Variants in DSCAML1 observed in about 807,000 individuals in gnomAD.
DSCAML1 encodes the protein DS cell adhesion molecule like 1.
DSCAML1 carries 38 observed loss-of-function variants against 200.5 expected under a neutral mutation model. The ratio of observed to expected loss-of-function variants is 0.19; its 90% CI spans 0.15 to 0.25. DSCAML1 has a LOEUF of 0.25. Ranked by LOEUF, DSCAML1 falls within the 10% of genes least tolerant of loss-of-function variation. DSCAML1 has a pLI of 1.00. For missense variants in DSCAML1, 2,223 were observed against 2,858.8 expected (o/e 0.78, Z 5.07); for synonymous variants, 1,215 against 1,165.0 (o/e 1.04, Z -0.87).
At chr11:117,759,857 A>T (rs1202486629) in intron 3 of DSCAML1, among the ~76,000 whole-genome samples, 1 of 152,214 alleles carries the variant, frequency 6.6e-6, no homozygotes, top group Non-Finnish European at 1.5e-5. Context: ...ATCCCGAGGC[A>T]GACACATTTC....
chr11:117,707,536 T>C (rs2053777119), intron 3 of DSCAML1, among the ~76,000 whole-genome samples: 1 of 139,840 alleles, frequency 7.2e-6, no homozygotes, highest in Non-Finnish European at 1.5e-5. Context: ...CTTTTTATTC[T>C]TTTTTTTTTA....
At chr11:117,493,088 G>C (rs1040469787) in intron 11 of DSCAML1, among the ~76,000 whole-genome samples, 11 of 152,178 alleles carry the variant, frequency 7.2e-5, no homozygotes, top group Admixed American at 1.3e-4. Context: ...TGTGTGCAAG[G>C]GGTAGGGGTG....
At chr11:117,808,222 T>C (rs2055725608) in intron 1 of DSCAML1, among the ~76,000 whole-genome samples, 1 of 152,204 alleles carries the variant, frequency 6.6e-6, no homozygotes, top group African/African-American at 2.4e-5. Context: ...AGAGAGTGAC[T>C]TGCTAAAAAT....
At chr11:117,771,274 TG>T (rs1223573862) in intron 3 of DSCAML1, among the ~76,000 whole-genome samples, 1 of 152,174 alleles carries the variant, frequency 6.6e-6, no homozygotes, top group East Asian at 1.9e-4. Flanking sequence ...CACATTTGTT[TG>T]TTGTATTGAG....
At chr11:117,487,567 C>T (rs1364317831) in intron 11 of DSCAML1, among the ~76,000 whole-genome samples, 2 of 152,146 alleles carry the variant, frequency 1.3e-5, no homozygotes, top group Non-Finnish European at 2.9e-5. Context: ...GGTGGGCGGC[C>T]CGGTATCACT....
At chr11:117,749,466 A>C (rs1349712091) in intron 3 of DSCAML1, among the ~76,000 whole-genome samples, 1 of 152,094 alleles carries the variant, frequency 6.6e-6, no homozygotes, top group Non-Finnish European at 1.5e-5. Context: ...TGCCTCTAAC[A>C]CTCCCTGTCT....
At chr11:117,731,955 C>T (rs748132634) in intron 3 of DSCAML1, among the ~76,000 whole-genome samples, 19 of 152,198 alleles carry the variant, frequency 1.2e-4, no homozygotes, top group Non-Finnish European at 2.5e-4. Flanking sequence ...CAAGATCAGG[C>T]TGGACAGAGG....
At chr11:117,796,392 G>T (rs1016227763) in intron 1 of DSCAML1, among the ~76,000 whole-genome samples, 1 of 152,256 alleles carries the variant, frequency 6.6e-6, no homozygotes, top group East Asian at 1.9e-4. Flanking sequence ...CTAAAGCCGG[G>T]GCAGAGGGGT....
rs1334564221 is a variant in DSCAML1, at chr11:117,428,386, A to G, written c.6104T>C (p.Val2035Ala). The G allele has an allele frequency of 1.9e-6, 3 of 1,587,276 alleles. No individual in the cohort carries two copies. Among genetic ancestry groups the G allele is most frequent in the Non-Finnish European group, 1.7e-6 (2 of 1,170,398 alleles). ...DSLLEMSTSG[V>A]GRSQKQGAGA... ...GGCCCCCTGCTTCTGAGACCTCCCT[A>G]CCCCCGATGTGCTCATCTCGAGAAG... The change falls in exon 33 of 33, where the codon GTA becomes GCA. Residue 2035 changes from valine (V) to alanine (A), a missense_variant. Coordinates refer to ENST00000651296, the MANE Select transcript of DSCAML1 (RefSeq NM_020693.4).
At position 117,457,324 on chromosome 11, in the gene DSCAML1, T is replaced by G. The variant is rs553522939; in HGVS notation, c.3568+1430A>C. 2.2e-4 allele frequency among the ~76,000 whole-genome samples: 33 copies of G among 152,240 alleles called. No homozygotes were observed. In the South Asian group the frequency reaches 6.8e-3, roughly 32 times the overall value. ...GGGGTGATGCCCCTAGACCTCTGGGTTCCTCACAGGGCCTTGCCTTGTTCA... is the reference window on the plus strand; with the variant it reads ...GGGGTGATGCCCCTAGACCTCTGGGGTCCTCACAGGGCCTTGCCTTGTTCA... On this transcript the variant is annotated intron_variant, in intron 19 of 32. Transcript: ENST00000651296.
intron 3 of DSCAML1, among the ~76,000 whole-genome samples, chr11:117,684,943 G>T (rs2053379818): frequency 6.6e-6 from 1 of 152,212 alleles, no homozygotes; most frequent in African/African-American, 2.4e-5. Flanking sequence ...AGATGCCAGG[G>T]CCGGTCCAGC....
At position 117,516,842 on chromosome 11, in the gene DSCAML1, G is replaced by A; in HGVS notation, c.1511-103C>T. 1 of 1,411,244 alleles carries A rather than the reference G, an allele frequency of 7.1e-7. No homozygotes were observed. The highest frequency in any genetic ancestry group is 1.4e-5 in the African/African-American group (1 of 70,086). 87.4% of individuals were successfully genotyped at this position (1,411,244 alleles called of 1,614,324 possible). A position where few individuals can be genotyped will look rare whatever the true frequency, so the allele number is the denominator to read the frequency against. ...CTGCGGTGCTCTTCTCAGGCACTCG[G>A]CCCCTGAGACTTTCGGGGGCGGACA... On this transcript the variant is annotated intron_variant, in intron 7 of 32. Coordinates refer to ENST00000651296, the MANE Select transcript of DSCAML1 (RefSeq NM_020693.4). This position sits in a 1 kb window ranked among gnomAD's most constrained non-coding sequence, Gnocchi z 5.7.
At position 117,758,560 on chromosome 11, in the gene DSCAML1, T is replaced by C. The variant is rs890557991; in HGVS notation, c.511+18231A>G. ...GGGACTACAGGCGCCTACCACCACG[T>C]CCGGGTAATTTTTTTGTATTTTTAG... On this transcript the variant is annotated intron_variant, in intron 3 of 32. Coordinates refer to ENST00000651296, the MANE Select transcript of DSCAML1 (RefSeq NM_020693.4). Among the ~76,000 whole-genome samples the C allele has an allele frequency of 4.0e-5, 6 of 151,828 alleles. No individual in the cohort carries two copies. The East Asian group carries it at 9.9e-4, about 25-fold the overall frequency.
In DSCAML1 at chr11:117,428,300, C is replaced by G; in HGVS notation, c.*28G>C. ...GTGTGGGGCTGCGGCGCGGCGCGGT[C>G]CAGGCGTGGCTGCTCTTCCTGCGGG... On this transcript the variant is annotated 3_prime_UTR_variant, in exon 33 of 33. Coordinates refer to ENST00000651296, the MANE Select transcript of DSCAML1 (RefSeq NM_020693.4). 7.7e-7 allele frequency: 1 copy of G among 1,302,394 alleles called. No homozygotes were observed. The highest frequency in any genetic ancestry group is 1.1e-6 in the Non-Finnish European group (1 of 912,454). 80.7% of individuals were successfully genotyped at this position (1,302,394 alleles called of 1,614,324 possible). A position where few individuals can be genotyped will look rare whatever the true frequency, so the allele number is the denominator to read the frequency against.
chr11:117,448,885 C>T (rs971175786), intron 20 of DSCAML1, among the ~76,000 whole-genome samples: 1 of 152,118 alleles, frequency 6.6e-6, no homozygotes, highest in African/African-American at 2.4e-5. Context: ...TGCCCATGAG[C>T]ACCCAGAGAC....
intron 3 of DSCAML1, among the ~76,000 whole-genome samples, chr11:117,645,837 A>G (rs1232043814): frequency 6.6e-6 from 1 of 151,932 alleles, no homozygotes; most frequent in African/African-American, 2.4e-5. Flanking sequence ...CCAGCATGGC[A>G]CATGTATACA....
chr11:117,715,369 C>A (rs1240719911), intron 3 of DSCAML1, among the ~76,000 whole-genome samples: 2 of 152,176 alleles, frequency 1.3e-5, no homozygotes, highest in Non-Finnish European at 2.9e-5. Flanking sequence ...CTCCTCGACT[C>A]CCTTTGTACC....
chr11:117,717,397 T>C lies in DSCAML1; in HGVS notation c.511+59394A>G, dbSNP rs1329132119. On this transcript the variant is annotated intron_variant, in intron 3 of 32. Coordinates refer to ENST00000651296, the MANE Select transcript of DSCAML1 (RefSeq NM_020693.4). Reference sequence around the variant, plus strand: ...ACTCCCCTTGACGCTCCCTCAACTCTTCATCAGAACTCCTCCTGTATCACT... The same window carrying C: ...ACTCCCCTTGACGCTCCCTCAACTCCTCATCAGAACTCCTCCTGTATCACT... Among the ~76,000 whole-genome samples, 8 of 152,160 alleles carry C rather than the reference T, an allele frequency of 5.3e-5. No individual in the cohort carries two copies. The East Asian group carries it at 1.5e-3, about 29-fold the overall frequency.
rs2048889416 is a variant in DSCAML1, at chr11:117,480,431, C to A, written c.2785+12G>T. ...GCAGGCCACGCTGTCACCCTCCTGGCCCAGCGCCTACCTGATTTGTTCTTG... is the reference window on the plus strand; with the variant it reads ...GCAGGCCACGCTGTCACCCTCCTGGACCAGCGCCTACCTGATTTGTTCTTG... On this transcript the variant is annotated intron_variant, in intron 14 of 32. Coordinates refer to ENST00000651296, the MANE Select transcript of DSCAML1 (RefSeq NM_020693.4). The surrounding 1 kb of genome is among the most constrained non-coding windows in gnomAD (Gnocchi z 4.1). 2.5e-6 allele frequency: 4 copies of A among 1,613,042 alleles called. No individual in the cohort carries two copies. The highest frequency in any genetic ancestry group is 3.4e-6 in the Non-Finnish European group (4 of 1,179,658).
Sources: gnomAD v4.1 joint callset for allele counts (sites outside exome capture counted in the v4.1 genomes callset) on GRCh38, gnomAD v4.1.1 for gene constraint, Gnocchi (gnomAD v3.1) non-coding constraint, MANE v1.5 for transcripts, NCBI Gene and HGNC (gene_info 2026-07-23, HGNC 2026-07-21) for gene names.